The following SLC26A4 variants were observed in gnomAD, a reference collection of about 807,000 sequenced individuals.
The protein encoded by SLC26A4 is pendrin.
SLC26A4 carries 93 observed loss-of-function variants against 90.4 expected under a neutral mutation model. The observed-to-expected ratio is 1.03, with a 90% CI of 0.87 to 1.22. SLC26A4 has a LOEUF of 1.22. Among genes scored for constraint, SLC26A4 ranks in the 50% most tolerant of loss-of-function variants. The pLI, the probability that SLC26A4 is intolerant of heterozygous loss-of-function variation, is 0.00. For synonymous variants in SLC26A4, 393 were observed against 354.6 expected (o/e 1.11, Z -1.22); for missense variants, 1,127 against 946.2 (o/e 1.19, Z -2.51).
chr7:107,691,108 TACACACACACAC>T (rs113420862), intron 10 of SLC26A4, among the ~76,000 whole-genome samples: 34 of 141,520 alleles, frequency 2.4e-4, no homozygotes, highest in Middle Eastern at 7.1e-3. Context: ...CATAGTGCAA[TACACACACACAC>T]ACACACACAC....
chr7:107,680,141 A>T (rs1345765423), intron 6 of SLC26A4, among the ~76,000 whole-genome samples: 4 of 121,798 alleles, frequency 3.3e-5, no homozygotes, highest in Non-Finnish European at 4.7e-5. Flanking sequence ...TATATAATAT[A>T]ATCTTATCTT....
intron 14 of SLC26A4, among the ~76,000 whole-genome samples, chr7:107,698,602 C>T (rs563375074): frequency 6.6e-6 from 1 of 152,198 alleles, no homozygotes; most frequent in South Asian, 2.1e-4. Context: ...CAGGCGTGAG[C>T]CACTGCACCT....
At chr7:107,690,476 T>C (rs1248983911) in intron 10 of SLC26A4, among the ~76,000 whole-genome samples, 1 of 152,224 alleles carries the variant, frequency 6.6e-6, no homozygotes, top group African/African-American at 2.4e-5. Flanking sequence ...TTACCTGTCA[T>C]GTAGCTACAC....
chr7:107,683,408 A>G (rs1444986045), intron 7 of SLC26A4, 47 bp from the exon 8 acceptor site: 1 of 1,610,108 alleles, frequency 6.2e-7, no homozygotes, highest in Admixed American at 1.7e-5. Flanking sequence ...ACAAACAAGG[A>G]ATTATTAAAA....
At chr7:107,711,654 G>A (rs1208198177) in intron 19 of SLC26A4, among the ~76,000 whole-genome samples, 1 of 152,192 alleles carries the variant, frequency 6.6e-6, no homozygotes, top group African/African-American at 2.4e-5. Flanking sequence ...CTTTATATGT[G>A]ATAAGTAGGT....
intron 13 of SLC26A4, among the ~76,000 whole-genome samples, chr7:107,696,414 G>A (rs1584331784): frequency 1.3e-5 from 2 of 152,222 alleles, no homozygotes; most frequent in Admixed American, 6.5e-5. Context: ...GCCAAAGGCT[G>A]AAGTTGCTTT....
chr7:107,674,091 T>C, intron 4 of SLC26A4, 73 bp from the exon 5 acceptor site: 3 of 1,423,386 alleles, frequency 2.1e-6, no homozygotes, highest in Non-Finnish European at 3.0e-6. Flanking sequence ...TATACATTTT[T>C]TAAACCCTAT....
At position 107,710,170 on chromosome 7, in the gene SLC26A4, C is replaced by G. The variant is rs1057524176; in HGVS notation, c.2206C>G (p.Gln736Glu). Residue 736 changes from glutamine to glutamate, a missense_variant, in exon 19 of 21, where the codon CAA becomes GAA. Gln to Glu is a conservative substitution (Grantham distance 29). Coordinates refer to ENST00000644269, the MANE Select transcript of SLC26A4 (RefSeq NM_000441.2). ...CTATCTACAGAACCAAGTGAAATCT[C>G]AAGAGGGTCAAGGTTCCATTTTAGA... ...ILYLQNQVKS[Q>E]EGQGSILETI... 2 of 1,606,996 alleles carry G rather than the reference C, an allele frequency of 1.2e-6. No homozygotes were observed. The highest frequency in any genetic ancestry group is 4.5e-5 in the East Asian group (2 of 44,846).
rs1792346548 is a variant in SLC26A4 at position 107,716,367 on chromosome 7, T to C, written c.*921T>C. ...CATGGTGATTAAAATGAGTTTATAT[T>C]TTTTCTCAAAAATTTTAGCAGTGTG... On this transcript the variant is annotated 3_prime_UTR_variant, in exon 21 of 21. Coordinates refer to ENST00000644269, the MANE Select transcript of SLC26A4 (RefSeq NM_000441.2). 1 of 152,154 alleles carries C rather than the reference T, an allele frequency of 6.6e-6. No individual in the cohort carries two copies. Among genetic ancestry groups the C allele is most frequent in the Admixed American group, 6.5e-5 (1 of 15,274 alleles). 9.4% of individuals were successfully genotyped at this position (152,154 alleles called of 1,614,324 possible).
rs397516417 is a variant in SLC26A4 at position 107,694,479 on chromosome 7, AG to A, written c.1341+1del. 6.2e-7 allele frequency: 1 copy of A among 1,609,990 alleles called. No individual in the cohort carries two copies. Among genetic ancestry groups the A allele is most frequent in the Non-Finnish European group, 8.5e-7 (1 of 1,176,270 alleles). On this transcript the variant is annotated frameshift_variant and splice_region_variant, in exon 11 of 21. Transcript: ENST00000644269. LOFTEE classifies it high-confidence loss of function. Reference sequence around the variant, plus strand: ...GGGAAGCTTCTGGAACCCTTGCAGAAGGTATAACCCTGCTTCTCTGCATACC... The same window carrying A: ...GGGAAGCTTCTGGAACCCTTGCAGAAGTATAACCCTGCTTCTCTGCATACC... ...ALGKLLEPLQ[K>X]SVLAAVVIAN...
At position 107,698,036 on chromosome 7, in the gene SLC26A4, T is replaced by C. The variant is rs1197838386; in HGVS notation, c.1545-6T>C. The stretch of plus-strand genomic sequence containing the variant: ...AAAATCTTGACCTTGATATTTTTTC[T>C]TCTAGTCCTTCTTGGAATGGCCTTG... On this transcript the variant is annotated splice_region_variant and splice_polypyrimidine_tract_variant and intron_variant, in intron 13 of 20. Transcript: ENST00000644269. 5.0e-6 allele frequency: 8 copies of C among 1,594,058 alleles called. No homozygotes were observed. In the African/African-American group the frequency reaches 5.4e-5, roughly 11 times the overall value.
chr7:107,695,297 A>T (rs911694624), intron 12 of SLC26A4, among the ~76,000 whole-genome samples: 2 of 152,164 alleles, frequency 1.3e-5, no homozygotes, highest in Non-Finnish European at 2.9e-5. Context: ...ATAAAAGCGG[A>T]TACAAGGAGG....
At chr7:107,715,066 T>TAAAAAAAAAAAAAAAAAAAAA (rs543905042) in intron 20 of SLC26A4, among the ~76,000 whole-genome samples, 1 of 98,670 alleles carries the variant, frequency 1.0e-5, no homozygotes, top group Admixed American at 1.2e-4. Context: ...CCATCTCTAC[T>TAAAAAAAAAAAAAAAAAAAAA]AAAAAAAAAA....
Position 107,715,402 on chromosome 7 carries a change from GT to G in SLC26A4, c.2320-17del. On this transcript the variant is annotated intron_variant, in intron 20 of 20. Transcript: ENST00000644269. ...GAGAATTCAGTTGTATCAACACTTT[GT>G]TTTCCCCTTGCTTCCACAGGCTATG... The G allele has an allele frequency of 6.2e-7, 1 of 1,609,702 alleles. No homozygotes were observed. The highest frequency in any genetic ancestry group is 8.5e-7 in the Non-Finnish European group (1 of 1,175,964).
chr7:107,676,899 T>C (rs962120277), intron 6 of SLC26A4, among the ~76,000 whole-genome samples: 7 of 152,042 alleles, frequency 4.6e-5, no homozygotes, highest in Non-Finnish European at 1.0e-4. Context: ...TGAGGCCAGG[T>C]GTGGTGGCTC....
intron 6 of SLC26A4, among the ~76,000 whole-genome samples, chr7:107,682,881 A>G (rs753548870): frequency 1.6e-4 from 24 of 152,184 alleles, no homozygotes; most frequent in Admixed American, 4.6e-4. Flanking sequence ...TTTTCTTTTA[A>G]GACATCTTTA....
chr7:107,712,481 G>C, intron 19 of SLC26A4, 58 bp from the exon 20 acceptor site: 1 of 851,182 alleles, frequency 1.2e-6, no homozygotes, highest in East Asian at 2.4e-5. Flanking sequence ...ATCATTTTCA[G>C]TGGAGCATCA....
chr7:107,701,057 T>G, intron 15 of SLC26A4, 44 bp from the exon 16 acceptor site: 1 of 1,166,374 alleles, frequency 8.6e-7, no homozygotes, highest in South Asian at 1.2e-5. Flanking sequence ...TTAATAAGCT[T>G]TAGGTGCCAG....
rs868765201 is a variant in SLC26A4 at position 107,661,775 on chromosome 7, C to A, written c.134C>A (p.Thr45Lys). Residue 45 changes from threonine (T) to lysine (K), a missense_variant, in exon 2 of 21, where the codon ACG (threonine) becomes AAG (lysine). Thr to Lys is a moderately conservative substitution (Grantham distance 78). Coordinates refer to ENST00000644269, the MANE Select transcript of SLC26A4 (RefSeq NM_000441.2). This position sits in a 1 kb window ranked among gnomAD's most constrained non-coding sequence, Gnocchi z 5.1. Reference sequence around the variant, plus strand: ...GAGCGGCGCCTGCAGGAGCGCAAGACGCTGCGGGAGAGCCTGGCCAAGTGC... The same window carrying A: ...GAGCGGCGCCTGCAGGAGCGCAAGAAGCTGCGGGAGAGCCTGGCCAAGTGC... Reference protein sequence around the residue: ...QHERRLQERKTLRESLAKCCS... With the variant: ...QHERRLQERKKLRESLAKCCS... 5 of 1,541,150 alleles carry A rather than the reference C, an allele frequency of 3.2e-6. No individual in the cohort carries two copies. The highest frequency in any genetic ancestry group is 4.4e-6 in the Non-Finnish European group (5 of 1,147,552).
Sources: gnomAD v4.1 joint callset for allele counts (sites outside exome capture counted in the v4.1 genomes callset) on GRCh38, gnomAD v4.1.1 for gene constraint, Gnocchi (gnomAD v3.1) non-coding constraint, MANE v1.5 for transcripts, NCBI Gene and HGNC (gene_info 2026-07-23, HGNC 2026-07-21) for gene names.